Variants in BCKDHB observed in about 807,000 individuals in gnomAD.
The protein encoded by BCKDHB is 2-oxoisovalerate dehydrogenase subunit beta, mitochondrial.
BCKDHB carries 41 observed loss-of-function variants against 48.5 expected under a neutral mutation model. The observed-to-expected ratio is 0.85, with a 90% CI of 0.66 to 1.10. The LOEUF is 1.10. Ranked by LOEUF, BCKDHB falls within the 50% of genes least tolerant of loss-of-function variation. The pLI, the probability that BCKDHB is intolerant of heterozygous loss-of-function variation, is 0.00. For missense variants in BCKDHB, 496 were observed against 494.2 expected (o/e 1.00, Z -0.03); for synonymous variants, 201 against 174.8 (o/e 1.15, Z -1.18).
the BCKDHB span, among the ~76,000 whole-genome samples, chr6:80,386,221 G>A: frequency 1.3e-5 from 2 of 151,888 alleles, no homozygotes; most frequent in South Asian, 2.1e-4. Flanking sequence ...CAGATCTAAT[G>A]GTGGGAACTG....
intron 9 of BCKDHB, among the ~76,000 whole-genome samples, chr6:80,338,392 CG>C (rs1476904053): frequency 6.6e-6 from 1 of 152,130 alleles, no homozygotes; most frequent in Non-Finnish European, 1.5e-5. Flanking sequence ...TTCCAGCCCC[CG>C]ACCCCGGAAC....
At chr6:80,287,742 G>A (rs1050647359) in intron 9 of BCKDHB, among the ~76,000 whole-genome samples, 2 of 152,136 alleles carry the variant, frequency 1.3e-5, no homozygotes, top group African/African-American at 4.8e-5. Flanking sequence ...AATTCCTGGT[G>A]GCTCCACCCC....
chr6:80,191,310 A>G (rs1349297675), intron 6 of BCKDHB, among the ~76,000 whole-genome samples: 1 of 152,138 alleles, frequency 6.6e-6, no homozygotes, highest in African/African-American at 2.4e-5. Flanking sequence ...GTGTTTTGTC[A>G]GTGTGTCCCA....
At chr6:80,288,631 C>T (rs1766748236) in intron 9 of BCKDHB, among the ~76,000 whole-genome samples, 2 of 151,578 alleles carry the variant, frequency 1.3e-5, no homozygotes, top group Non-Finnish European at 2.9e-5. Context: ...ATACCCCTCC[C>T]CTGAGTGATC....
chr6:80,433,227 GC>G, the BCKDHB span, among the ~76,000 whole-genome samples: 1 of 138,808 alleles, frequency 7.2e-6, no homozygotes, highest in Admixed American at 8.4e-5. Context: ...GAGCTGTCAG[GC>G]GGGGACGTAT....
At chr6:80,462,177 T>G in the BCKDHB span, among the ~76,000 whole-genome samples, 1 of 152,234 alleles carries the variant, frequency 6.6e-6, no homozygotes, top group African/African-American at 2.4e-5. Flanking sequence ...GAGTTCTTTC[T>G]TGTTACTTCT....
intron 3 of BCKDHB, among the ~76,000 whole-genome samples, chr6:80,160,312 A>G (rs1772250971): frequency 6.6e-6 from 1 of 151,932 alleles, no homozygotes; most frequent in African/African-American, 2.4e-5. Context: ...ATGCACCACC[A>G]CACCTGGCAG....
At chr6:80,392,911 A>C in the BCKDHB span, among the ~76,000 whole-genome samples, 4 of 145,410 alleles carry the variant, frequency 2.8e-5, no homozygotes, top group Non-Finnish European at 6.0e-5. Flanking sequence ...TCTAAATAAC[A>C]TACTTATGCC....
At chr6:80,116,023 C>G (rs762581291) in intron 1 of BCKDHB, among the ~76,000 whole-genome samples, 4 of 152,188 alleles carry the variant, frequency 2.6e-5, no homozygotes, top group Non-Finnish European at 5.9e-5. Context: ...CAAGTAGTCC[C>G]TAATTTTCTG....
At chr6:80,428,153 G>A in the BCKDHB span, among the ~76,000 whole-genome samples, 14,473 of 151,938 alleles carry the variant, frequency 0.095, 741 homozygotes, top group Non-Finnish European at 0.11. Context: ...TTAGTTTGCT[G>A]AGAATGATGG....
intron 6 of BCKDHB, among the ~76,000 whole-genome samples, chr6:80,185,621 T>C (rs1773606604): frequency 6.6e-6 from 1 of 152,210 alleles, no homozygotes; most frequent in South Asian, 2.1e-4. Context: ...GATCCCTTGA[T>C]GTGATGTTCT....
At chr6:80,260,212 G>GGTGT (rs148736682) in intron 8 of BCKDHB, among the ~76,000 whole-genome samples, 55,245 of 151,116 alleles carry the variant, frequency 0.37, 11,682 homozygotes, top group Admixed American at 0.55. Context: ...GGTAATGGTG[G>GGTGT]GTGTGTGTGT....
intron 9 of BCKDHB, among the ~76,000 whole-genome samples, chr6:80,336,630 A>G (rs1370309064): frequency 6.6e-6 from 1 of 152,032 alleles, no homozygotes; most frequent in African/African-American, 2.4e-5. Context: ...CTCAGATTTT[A>G]ATTTAGTCAA....
intron 9 of BCKDHB, among the ~76,000 whole-genome samples, chr6:80,301,309 A>G (rs1000886944): frequency 7.2e-5 from 11 of 152,194 alleles, no homozygotes; most frequent in African/African-American, 2.7e-4. Flanking sequence ...AAAGAATAAA[A>G]TCAGAGAAGA....
At chr6:80,312,550 T>C (rs924716418) in intron 9 of BCKDHB, among the ~76,000 whole-genome samples, 11 of 152,200 alleles carry the variant, frequency 7.2e-5, no homozygotes, top group Admixed American at 2.0e-4. Context: ...CAGTATGATA[T>C]TGGCTGTGGG....
At chr6:80,438,773 G>C in the BCKDHB span, among the ~76,000 whole-genome samples, 1 of 152,124 alleles carries the variant, frequency 6.6e-6, no homozygotes, top group African/African-American at 2.4e-5. Context: ...CTGATTAAAT[G>C]GGGTTACATC....
intron 8 of BCKDHB, among the ~76,000 whole-genome samples, chr6:80,226,850 C>T (rs1019177696): frequency 6.6e-6 from 1 of 152,152 alleles, no homozygotes; most frequent in African/African-American, 2.4e-5. Flanking sequence ...GGCTATAAGT[C>T]GGACTCCGTA....
intron 3 of BCKDHB, among the ~76,000 whole-genome samples, chr6:80,159,683 C>A (rs1772221131): frequency 6.6e-6 from 1 of 152,194 alleles, no homozygotes; most frequent in Non-Finnish European, 1.5e-5. Flanking sequence ...CATATTCTAT[C>A]AAGTATACTA....
chr6:80,281,754 G>A (rs1363962407), intron 9 of BCKDHB, among the ~76,000 whole-genome samples: 1 of 151,800 alleles, frequency 6.6e-6, no homozygotes, highest in Admixed American at 6.6e-5. Flanking sequence ...CCCTCTCCCT[G>A]TCCTCATTCT....
Sources: allele counts gnomAD v4.1 joint callset (sites outside exome capture counted in the v4.1 genomes callset), GRCh38; gene constraint gnomAD v4.1.1; transcripts MANE v1.5; gene names NCBI Gene and HGNC (gene_info 2026-07-23, HGNC 2026-07-21).